Variants in FREM2 observed in about 807,000 individuals in gnomAD.
FREM2 encodes FRAS1-related extracellular matrix protein 2.
In FREM2, 119 loss-of-function variants were observed where a neutral mutation model predicts 219.9. That is an observed-to-expected ratio of 0.54 (90% CI 0.47 to 0.63). FREM2 has a LOEUF of 0.63. FREM2 is among the 30% of genes least tolerant of loss of function. The pLI is 0.00. For missense variants in FREM2, 4,030 were observed against 3,993.6 expected, an observed-to-expected ratio of 1.01 and a Z score of -0.25; for synonymous variants, 1,562 against 1,522.8, an observed-to-expected ratio of 1.03 and a Z score of -0.60.
At chr13:38,833,948 CT>C (rs1566159425) in intron 6 of FREM2, among the ~76,000 whole-genome samples, 1 of 152,120 alleles carries the variant, frequency 6.6e-6, no homozygotes, top group African/African-American at 2.4e-5. Context: ...GCACAGTCCT[CT>C]TTTTGCTTAT....
intron 14 of FREM2, among the ~76,000 whole-genome samples, chr13:38,860,071 G>T (rs1486140505): frequency 1.3e-5 from 2 of 152,110 alleles, no homozygotes; most frequent in African/African-American, 4.8e-5. Context: ...GGCAAGCAGA[G>T]AAATGGGGAA....
chr13:38,822,540 T>C (rs538908264), intron 6 of FREM2, among the ~76,000 whole-genome samples: 29 of 152,080 alleles, frequency 1.9e-4, no homozygotes, highest in African/African-American at 6.7e-4. Context: ...CCTGTGGGTC[T>C]AGCGTGCACG....
chr13:38,857,216 G>A (rs958466123), intron 12 of FREM2, among the ~76,000 whole-genome samples: 3 of 152,180 alleles, frequency 2.0e-5, no homozygotes, highest in Non-Finnish European at 4.4e-5. Flanking sequence ...AAATATACAC[G>A]TAAAGATAGT....
chr13:38,691,952 C>T lies in FREM2; in HGVS notation c.4608C>T (p.Val1536=). The T allele has an allele frequency of 6.2e-7, 1 of 1,614,194 alleles. No homozygotes were observed. Among genetic ancestry groups the T allele is most frequent in the Non-Finnish European group, 8.5e-7 (1 of 1,180,026 alleles). The part of the protein sequence containing the change: ...ISDVDNKKPV[V]TIHKLVVSES... ...ATGTGGACAATAAAAAGCCAGTGGTCACCATCCACAAGCTGGTTGTCAGTG... is the reference window on the plus strand; with the variant it reads ...ATGTGGACAATAAAAAGCCAGTGGTTACCATCCACAAGCTGGTTGTCAGTG... The change falls in exon 1 of 24, where the codon GTC becomes GTT. Residue 1536 remains valine (V), a synonymous_variant. Transcript: ENST00000280481.
chr13:38,754,894 TGATGATG>T (rs1872927618), intron 2 of FREM2, among the ~76,000 whole-genome samples: 4 of 128,148 alleles, frequency 3.1e-5, no homozygotes, highest in East Asian at 4.7e-4. Flanking sequence ...ATGATGATGA[TGATGATG>T]ATTATTATTA....
intron 2 of FREM2, among the ~76,000 whole-genome samples, chr13:38,729,094 T>C (rs1218387905): frequency 6.6e-6 from 1 of 152,012 alleles, no homozygotes; most frequent in African/African-American, 2.4e-5. Context: ...CTTGGCCTCC[T>C]ATCCTTCTCT....
intron 6 of FREM2, among the ~76,000 whole-genome samples, chr13:38,819,167 G>C (rs1050808368): frequency 1.3e-5 from 2 of 152,226 alleles, no homozygotes; most frequent in Admixed American, 1.3e-4. Context: ...GTTATGGCCA[G>C]AACCTCCAAA....
chr13:38,865,762 A>G (rs1021204426), intron 16 of FREM2, among the ~76,000 whole-genome samples: 1 of 152,240 alleles, frequency 6.6e-6, no homozygotes, highest in African/African-American at 2.4e-5. Context: ...CAATAGAAAT[A>G]GCAATAGAGA....
intron 2 of FREM2, among the ~76,000 whole-genome samples, chr13:38,705,509 T>G (rs1317040796): frequency 6.6e-6 from 1 of 152,164 alleles, no homozygotes; most frequent in Non-Finnish European, 1.5e-5. Context: ...GAAGCGCAGC[T>G]TTAGGAGTGA....
chr13:38,807,219 A>ATATATATATATATATATATG, intron 6 of FREM2, among the ~76,000 whole-genome samples: 1 of 120,156 alleles, frequency 8.3e-6, no homozygotes, highest in Non-Finnish European at 1.7e-5. Context: ...ATATATATAT[A>ATATATATATATATATATATG]TATATATATG....
chr13:38,793,248 G>C (rs1593411087), intron 6 of FREM2, among the ~76,000 whole-genome samples: 1 of 152,282 alleles, frequency 6.6e-6, no homozygotes, highest in South Asian at 2.1e-4. Context: ...ACACAGATAA[G>C]TGAACAGACA....
intron 2 of FREM2, among the ~76,000 whole-genome samples, chr13:38,717,868 A>G (rs1871073389): frequency 6.6e-6 from 1 of 152,250 alleles, no homozygotes; most frequent in Non-Finnish European, 1.5e-5. Flanking sequence ...GTGTTTTCCT[A>G]GAAAACATTG....
At chr13:38,791,314 C>T (rs901512913) in intron 6 of FREM2, among the ~76,000 whole-genome samples, 2 of 152,296 alleles carry the variant, frequency 1.3e-5, no homozygotes, top group Admixed American at 1.3e-4. Context: ...TCAGTTTCCA[C>T]GTGTGAATTT....
chr13:38,774,024 T>C (rs1486546217), intron 4 of FREM2, among the ~76,000 whole-genome samples: 2 of 151,344 alleles, frequency 1.3e-5, no homozygotes, highest in Non-Finnish European at 2.9e-5. Context: ...ATATATATAT[T>C]GTTTCCCCCT....
At chr13:38,858,368 C>T (rs572832376) in intron 13 of FREM2, among the ~76,000 whole-genome samples, 5 of 152,120 alleles carry the variant, frequency 3.3e-5, no homozygotes, top group African/African-American at 1.2e-4. Flanking sequence ...CAAGATATAA[C>T]CACTATCATG....
chr13:38,830,470 A>G (rs1352769004), intron 6 of FREM2, among the ~76,000 whole-genome samples: 2 of 152,188 alleles, frequency 1.3e-5, no homozygotes, highest in African/African-American at 4.8e-5. Flanking sequence ...CCCACGGCTT[A>G]TGGTCTAACT....
intron 23 of FREM2, 147 bp downstream of exon 23, chr13:38,879,124 A>G (rs1878455019): frequency 1.2e-6 from 1 of 824,374 alleles, no homozygotes; most frequent in South Asian, 1.4e-5. Context: ...GATATGGCAA[A>G]TAAACTACAT....
intron 5 of FREM2, among the ~76,000 whole-genome samples, chr13:38,783,899 A>G (rs1376374054): frequency 6.6e-6 from 1 of 152,228 alleles, no homozygotes; most frequent in Non-Finnish European, 1.5e-5. Flanking sequence ...GTTCACGACC[A>G]GTCTGATCAA....
intron 2 of FREM2, among the ~76,000 whole-genome samples, chr13:38,726,348 T>C (rs1871524576): frequency 3.9e-5 from 6 of 152,208 alleles, no homozygotes; most frequent in Admixed American, 3.9e-4. Flanking sequence ...GTTTGGAATA[T>C]GTGCTCTGGA....
Sources: allele counts gnomAD v4.1 joint callset (sites outside exome capture counted in the v4.1 genomes callset), GRCh38; gene constraint gnomAD v4.1.1; transcripts MANE v1.5; gene names NCBI Gene and HGNC (gene_info 2026-07-23, HGNC 2026-07-21).